COMMD1: variants seen among roughly 807,000 people sequenced by gnomAD.
COMMD1 encodes COMM domain-containing protein 1.
COMMD1 carries 10 observed loss-of-function variants against 17.2 expected under a neutral mutation model. The ratio of observed to expected loss-of-function variants is 0.58; its 90% CI spans 0.36 to 0.99. The LOEUF is 0.99. Ranked by LOEUF, COMMD1 falls within the 50% of genes least tolerant of loss-of-function variation. COMMD1 has a pLI of 0.01. For synonymous variants in COMMD1, 97 were observed against 91.6 expected (o/e 1.06, Z -0.34); for missense variants, 270 against 231.8 (o/e 1.17, Z -1.07).
intron 2 of COMMD1, among the ~76,000 whole-genome samples, chr2:62,049,942 T>C (rs1308686787): frequency 6.6e-6 from 1 of 152,216 alleles, no homozygotes; most frequent in Non-Finnish European, 1.5e-5. Flanking sequence ...TTTACTGTAA[T>C]TGCATGAATA....
At chr2:61,893,122 C>G (rs2105154867) in intron 1 of COMMD1, among the ~76,000 whole-genome samples, 1 of 152,120 alleles carries the variant, frequency 6.6e-6, no homozygotes, top group African/African-American at 2.4e-5. Flanking sequence ...CCACCTTGGC[C>G]TTTCAAAGTA....
chr2:62,126,678 G>C (rs558863256), intron 2 of COMMD1, among the ~76,000 whole-genome samples: 9 of 152,208 alleles, frequency 5.9e-5, no homozygotes, highest in African/African-American at 2.2e-4. Flanking sequence ...ATGGATAGAT[G>C]GCAAAAATTT....
intron 2 of COMMD1, among the ~76,000 whole-genome samples, chr2:62,086,654 A>G (rs1183570639): frequency 1.3e-5 from 2 of 152,164 alleles, no homozygotes; most frequent in Admixed American, 6.5e-5. Context: ...AACAATGGAC[A>G]CACTACCATT....
intron 1 of COMMD1, among the ~76,000 whole-genome samples, chr2:61,956,939 T>TG (rs1671213236): frequency 6.6e-6 from 1 of 151,720 alleles, no homozygotes; most frequent in Admixed American, 6.6e-5. Context: ...TTAGTAGAGA[T>TG]GGGGTTTCAC....
At chr2:62,075,996 CATA>C (rs887646046) in intron 2 of COMMD1, among the ~76,000 whole-genome samples, 4 of 152,164 alleles carry the variant, frequency 2.6e-5, no homozygotes, top group Non-Finnish European at 5.9e-5. Context: ...AGGGGGAGAA[CATA>C]ATAAAGGGAA....
Position 62,000,811 on chromosome 2 carries a change from C to T in COMMD1, c.291C>T (p.Phe97=), listed in dbSNP as rs546147903. Reference sequence around the variant, plus strand: ...ACCAAGCTGCTGTCATTTCCAAATTCTGGAAGAGCCACAAGACAAAAATCC... The same window carrying T: ...ACCAAGCTGCTGTCATTTCCAAATTTTGGAAGAGCCACAAGACAAAAATCC... ...TSDQAAVISK[F]WKSHKTKIRE... is the part of the protein sequence containing the mutation. Residue 97 remains phenylalanine, a synonymous_variant, in exon 2 of 3, where the codon TTC becomes TTT. Transcript: ENST00000311832. The T allele has an allele frequency of 3.7e-6, 6 of 1,614,112 alleles. No homozygotes were observed. The highest frequency in any genetic ancestry group is 4.5e-5 in the East Asian group (2 of 44,880).
At chr2:62,041,690 G>A (rs944937780) in intron 2 of COMMD1, among the ~76,000 whole-genome samples, 3 of 152,134 alleles carry the variant, frequency 2.0e-5, no homozygotes, top group Admixed American at 2.0e-4. Context: ...TCTTGGTCTC[G>A]CTGACTTCAA....
chr2:62,102,269 T>G (rs1490678113), intron 2 of COMMD1, among the ~76,000 whole-genome samples: 1 of 152,214 alleles, frequency 6.6e-6, no homozygotes, highest in African/African-American at 2.4e-5. Context: ...TAAATTTATA[T>G]AAACACCCTC....
At chr2:61,897,757 A>AT (rs1475914951) in intron 1 of COMMD1, among the ~76,000 whole-genome samples, 52 of 151,996 alleles carry the variant, frequency 3.4e-4, no homozygotes, top group East Asian at 7.7e-4. Context: ...CTTTAAAAAA[A>AT]ATATATATAT....
intron 1 of COMMD1, among the ~76,000 whole-genome samples, chr2:61,987,116 C>T (rs761379206): frequency 6.6e-6 from 1 of 152,134 alleles, no homozygotes; most frequent in Non-Finnish European, 1.5e-5. Flanking sequence ...TTCAAGTTTT[C>T]CCAAAACAGC....
intron 1 of COMMD1, among the ~76,000 whole-genome samples, chr2:61,928,926 A>G (rs896871132): frequency 6.6e-6 from 1 of 152,222 alleles, no homozygotes; most frequent in Admixed American, 6.5e-5. Flanking sequence ...AGGAATAGAA[A>G]TAAGGATTAT....
At chr2:62,043,740 G>A (rs1670300588) in intron 2 of COMMD1, among the ~76,000 whole-genome samples, 1 of 152,190 alleles carries the variant, frequency 6.6e-6, no homozygotes, top group Non-Finnish European at 1.5e-5. Flanking sequence ...TAGCTGTTCT[G>A]AGAGAGGATC....
chr2:62,034,303 A>G (rs1205736775), intron 2 of COMMD1, among the ~76,000 whole-genome samples: 1 of 151,914 alleles, frequency 6.6e-6, no homozygotes, highest in Non-Finnish European at 1.5e-5. Context: ...GACGTTCGAG[A>G]TCAGCCTGGC....
chr2:61,992,567 G>A (rs1394469773), intron 1 of COMMD1, among the ~76,000 whole-genome samples: 1 of 152,108 alleles, frequency 6.6e-6, no homozygotes, highest in African/African-American at 2.4e-5. Flanking sequence ...AGAGTTGTAC[G>A]AAAAAGGGAA....
At chr2:62,021,954 T>C (rs1395113276) in intron 2 of COMMD1, among the ~76,000 whole-genome samples, 1 of 151,138 alleles carries the variant, frequency 6.6e-6, no homozygotes, top group East Asian at 2.0e-4. Flanking sequence ...TTCTCGATAA[T>C]GCTCTTTGAT....
intron 2 of COMMD1, among the ~76,000 whole-genome samples, chr2:62,134,266 G>A (rs982225218): frequency 2.0e-5 from 3 of 152,156 alleles, no homozygotes; most frequent in Admixed American, 1.3e-4. Context: ...CAGTAGTTAG[G>A]AAAATACAGA....
In COMMD1 at chr2:61,927,811, T is replaced by C. The variant is rs147835732; in HGVS notation, c.180+21953T>C. Among the ~76,000 whole-genome samples, 15 of 152,136 alleles carry C rather than the reference T, an allele frequency of 9.9e-5. No individual in the cohort carries two copies. The East Asian group carries it at 2.9e-3, about 29-fold the overall frequency. ...TTGTTTTGAGACTGAGTTTCACTCTTGTTGCCCAGGCTGGAGTGCAATGGC... is the reference window on the plus strand; with the variant it reads ...TTGTTTTGAGACTGAGTTTCACTCTCGTTGCCCAGGCTGGAGTGCAATGGC... On this transcript the variant is annotated intron_variant, in intron 1 of 2. Coordinates refer to ENST00000311832, the MANE Select transcript of COMMD1 (RefSeq NM_152516.4).
intron 2 of COMMD1, among the ~76,000 whole-genome samples, chr2:62,008,188 A>G (rs1292633778): frequency 6.6e-6 from 1 of 152,148 alleles, no homozygotes; most frequent in Non-Finnish European, 1.5e-5. Flanking sequence ...CTCTAAATAA[A>G]TAAATAAGTA....
chr2:62,035,466 C>T (rs968187874), intron 2 of COMMD1, among the ~76,000 whole-genome samples: 2 of 152,114 alleles, frequency 1.3e-5, no homozygotes, highest in South Asian at 2.1e-4. Context: ...TTTGGCCAGA[C>T]GTGGTGGCTC....
Sources: allele counts gnomAD v4.1 joint callset (sites outside exome capture counted in the v4.1 genomes callset), GRCh38; gene constraint gnomAD v4.1.1; transcripts MANE v1.5; gene names NCBI Gene and HGNC (gene_info 2026-07-23, HGNC 2026-07-21).